Variants in CYP7B1 observed in about 807,000 individuals in gnomAD.
The protein encoded by CYP7B1 is cytochrome P450 7B1.
Under a neutral mutation model 42.7 loss-of-function variants are expected in CYP7B1, and 29 were observed. That is an observed-to-expected ratio of 0.68 (90% CI 0.51 to 0.93). The LOEUF (loss-of-function observed/expected upper bound fraction) is 0.93. Ranked by LOEUF, CYP7B1 falls within the 40% of genes least tolerant of loss-of-function variation. CYP7B1 has a pLI of 0.00. For missense variants in CYP7B1, 655 were observed against 600.5 expected, an observed-to-expected ratio of 1.09 and a Z score of -0.95; for synonymous variants, 235 against 218.2, an observed-to-expected ratio of 1.08 and a Z score of -0.68.
intron 1 of CYP7B1, among the ~76,000 whole-genome samples, chr8:64,715,441 G>C (rs1475960360): frequency 6.6e-6 from 1 of 152,104 alleles, no homozygotes; most frequent in Non-Finnish European, 1.5e-5. Context: ...TGTTCACTTG[G>C]CTCCTCATTT....
At chr8:64,729,167 C>T (rs1807371373) in intron 1 of CYP7B1, among the ~76,000 whole-genome samples, 2 of 152,160 alleles carry the variant, frequency 1.3e-5, no homozygotes, top group South Asian at 2.1e-4. Context: ...CTCAGAAAAA[C>T]TGTAAGAAAA....
intron 5 of CYP7B1, 138 bp from the exon 6 acceptor site, chr8:64,597,067 G>A: frequency 1.5e-6 from 1 of 658,504 alleles, no homozygotes; most frequent in Non-Finnish European, 2.5e-6. Context: ...TTGGCTGAGT[G>A]CAAATTAAGC....
intron 5 of CYP7B1, among the ~76,000 whole-genome samples, chr8:64,600,214 T>C (rs538814585): frequency 2.6e-5 from 4 of 152,306 alleles, no homozygotes; most frequent in Admixed American, 6.5e-5. Flanking sequence ...CAAGTTTGGA[T>C]AGAGGACACA....
At chr8:64,775,016 T>A (rs1228486758) in intron 1 of CYP7B1, among the ~76,000 whole-genome samples, 1 of 152,182 alleles carries the variant, frequency 6.6e-6, no homozygotes, top group Non-Finnish European at 1.5e-5. Context: ...TTACCTTCTC[T>A]GTTTCCTTTC....
At chr8:64,691,284 A>G (rs550989049) in intron 1 of CYP7B1, among the ~76,000 whole-genome samples, 43 of 152,292 alleles carry the variant, frequency 2.8e-4, no homozygotes, top group African/African-American at 9.6e-4. Flanking sequence ...AGGCTTAGTG[A>G]TCACTTATCA....
chr8:64,613,992 A>G (rs540514123), intron 4 of CYP7B1, among the ~76,000 whole-genome samples: 60 of 152,304 alleles, frequency 3.9e-4, no homozygotes, highest in African/African-American at 1.4e-3. Flanking sequence ...ATGCTCGCCT[A>G]CATTGTCAAA....
chr8:64,613,441 A>G (rs1805390349), intron 4 of CYP7B1, among the ~76,000 whole-genome samples: 1 of 152,180 alleles, frequency 6.6e-6, no homozygotes, highest in Non-Finnish European at 1.5e-5. Context: ...AACTATACAG[A>G]ATACAAACAC....
intron 1 of CYP7B1, among the ~76,000 whole-genome samples, chr8:64,644,960 T>C (rs1455782708): frequency 1.4e-5 from 2 of 147,584 alleles, no homozygotes; most frequent in Non-Finnish European, 3.0e-5. Flanking sequence ...CCTTCCTGTG[T>C]CCATGTGTTC....
intron 1 of CYP7B1, among the ~76,000 whole-genome samples, chr8:64,644,908 C>T (rs1321969601): frequency 7.3e-6 from 1 of 137,082 alleles, no homozygotes; most frequent in Non-Finnish European, 1.6e-5. Flanking sequence ...TATCCCTCCC[C>T]CCTCCCCCCA....
chr8:64,759,646 A>C (rs1050980319), intron 1 of CYP7B1, among the ~76,000 whole-genome samples: 16 of 152,218 alleles, frequency 1.1e-4, no homozygotes, highest in Non-Finnish European at 1.2e-4. Flanking sequence ...ATGAAAATTC[A>C]GACCTAGAAT....
intron 1 of CYP7B1, among the ~76,000 whole-genome samples, chr8:64,732,542 T>G (rs182410354): frequency 6.6e-6 from 1 of 152,188 alleles, no homozygotes; most frequent in Admixed American, 6.5e-5. Flanking sequence ...GATGAGACCA[T>G]GGACTTGCAC....
intron 5 of CYP7B1, among the ~76,000 whole-genome samples, chr8:64,598,986 C>T (rs191044141): frequency 6.6e-6 from 1 of 152,184 alleles, no homozygotes; most frequent in Admixed American, 6.5e-5. Flanking sequence ...AAAACCTAAG[C>T]AGGAACCAAT....
At position 64,596,828 on chromosome 8, in the gene CYP7B1, T is replaced by C; in HGVS notation, c.1335A>G (p.Gly445=). 6.2e-7 allele frequency: 1 copy of C among 1,614,164 alleles called. No homozygotes were observed. The highest frequency in any genetic ancestry group is 8.5e-7 in the Non-Finnish European group (1 of 1,180,000). ...LKCYLMPFGT[G]TSKCPGRFFA... ...AAAATCGGCCTGGACATTTGCTGGT[T>C]CCAGTTCCAAACGGCATTAGGTAAC... The change falls in exon 6 of 6, where the codon GGA becomes GGG. Residue 445 remains glycine (G), a synonymous_variant. Coordinates refer to ENST00000310193, the MANE Select transcript of CYP7B1 (RefSeq NM_004820.5).
intron 1 of CYP7B1, among the ~76,000 whole-genome samples, chr8:64,781,851 C>T (rs974602926): frequency 4.6e-5 from 7 of 152,150 alleles, no homozygotes; most frequent in African/African-American, 1.7e-4. Context: ...GGATCTACAA[C>T]CAAAAACCCA....
At chr8:64,721,079 T>C (rs1029896919) in intron 1 of CYP7B1, among the ~76,000 whole-genome samples, 1 of 151,448 alleles carries the variant, frequency 6.6e-6, no homozygotes, top group African/African-American at 2.4e-5. Flanking sequence ...TATAGAAAAC[T>C]GATTCTTACC....
chr8:64,596,584 T>G lies in CYP7B1; in HGVS notation c.*58A>C. The G allele has an allele frequency of 9.3e-5, 136 of 1,467,602 alleles. No individual in the cohort carries two copies. The highest frequency in any genetic ancestry group is 1.1e-4 in the Non-Finnish European group (123 of 1,074,636). The allele number at this position is 1,467,602 out of a possible 1,614,324, so 90.9% of individuals were successfully genotyped here. A position where few individuals can be genotyped will look rare whatever the true frequency, so the allele number is the denominator to read the frequency against. On this transcript the variant is annotated 3_prime_UTR_variant, in exon 6 of 6. Coordinates refer to ENST00000310193, the MANE Select transcript of CYP7B1 (RefSeq NM_004820.5). ...TTTGCAGAAATTAAAAAGAAATAGA[T>G]GAGCTTAGGATGTTTAGGGTAATTT... is the stretch of plus-strand genomic sequence containing the variant.
At chr8:64,740,252 C>A (rs1172590379) in intron 1 of CYP7B1, among the ~76,000 whole-genome samples, 1 of 151,712 alleles carries the variant, frequency 6.6e-6, no homozygotes, top group Non-Finnish European at 1.5e-5. Flanking sequence ...AGCTAGAAAT[C>A]AAAAATTGAA....
intron 1 of CYP7B1, among the ~76,000 whole-genome samples, chr8:64,680,506 T>G (rs932984427): frequency 7.2e-5 from 11 of 152,110 alleles, no homozygotes; most frequent in Non-Finnish European, 1.5e-4. Context: ...TTCTGTGTCC[T>G]GTGGCACTGA....
At chr8:64,662,721 G>GT (rs1389422867) in intron 1 of CYP7B1, among the ~76,000 whole-genome samples, 2 of 152,080 alleles carry the variant, frequency 1.3e-5, no homozygotes, top group Non-Finnish European at 2.9e-5. Flanking sequence ...CAGCTATGTG[G>GT]TTACAAGTCC....
Sources: gnomAD v4.1 joint callset for allele counts (sites outside exome capture counted in the v4.1 genomes callset) on GRCh38, gnomAD v4.1.1 for gene constraint, MANE v1.5 for transcripts, NCBI Gene and HGNC (gene_info 2026-07-23, HGNC 2026-07-21) for gene names.